The following ZFHX3 variants were observed in gnomAD, a reference collection of about 807,000 sequenced individuals.
ZFHX3 encodes the protein zinc finger homeobox 3.
In ZFHX3, 42 loss-of-function variants were observed where a neutral mutation model predicts 279.1. That is an observed-to-expected ratio of 0.15 (90% CI 0.12 to 0.19). The LOEUF (loss-of-function observed/expected upper bound fraction) is 0.19. Among genes scored for constraint, ZFHX3 ranks in the 10% least tolerant of loss-of-function variants. The pLI is 1.00. For synonymous variants in ZFHX3, 2,293 were observed against 1,957.8 expected (o/e 1.17, Z -4.52); for missense variants, 4,981 against 4,754.0 (o/e 1.05, Z -1.40).
At chr16:72,927,935 A>G (rs1027226063) in intron 3 of ZFHX3, among the ~76,000 whole-genome samples, 1 of 150,070 alleles carries the variant, frequency 6.7e-6, no homozygotes, top group Admixed American at 6.7e-5. Context: ...GGGGAGGACT[A>G]AGACTCAGTA....
At chr16:73,627,385 T>C (rs1454366379) in intron 2 of ZFHX3, among the ~76,000 whole-genome samples, 4 of 152,202 alleles carry the variant, frequency 2.6e-5, no homozygotes, top group Non-Finnish European at 4.4e-5. Context: ...ACTATTGATA[T>C]AGTGGAAGTG....
intron 4 of ZFHX3, among the ~76,000 whole-genome samples, chr16:72,874,359 A>C (rs923153959): frequency 4.6e-5 from 7 of 151,752 alleles, no homozygotes; most frequent in Admixed American, 6.6e-5. Flanking sequence ...GGCACCCGCC[A>C]CCACACCAGG....
intron 1 of ZFHX3, among the ~76,000 whole-genome samples, chr16:72,991,054 T>C (rs1963070613): frequency 6.8e-6 from 1 of 147,248 alleles, no homozygotes; most frequent in Admixed American, 6.9e-5. Context: ...CAGCATAGTA[T>C]GTACTGTATA....
intron 3 of ZFHX3, among the ~76,000 whole-genome samples, chr16:73,445,300 GTA>G (rs1414862766): frequency 9.4e-6 from 1 of 106,022 alleles, no homozygotes; most frequent in African/African-American, 3.2e-5. Context: ...ATATGTATAT[GTA>G]TGTGTGTGTG....
chr16:73,062,441 C>T (rs1195144827), upstream of ZFHX3: 1 of 152,058 alleles, frequency 6.6e-6, no homozygotes, highest in African/African-American at 2.4e-5. Flanking sequence ...GCTTGTGTTT[C>T]CAGATCTGTT....
rs539072880 is a variant in ZFHX3, at chr16:73,743,332, T to A, written c.-1607-63092A>T. On this transcript the variant is annotated intron_variant, in intron 1 of 17. Transcript: ENST00000641206. ...AGTTGATTTCATCAAATTCCCACTTTGGGATGTGTGTAAATATCTGACTGT... is the reference window on the plus strand; with the variant it reads ...AGTTGATTTCATCAAATTCCCACTTAGGGATGTGTGTAAATATCTGACTGT... Among the ~76,000 whole-genome samples the A allele has an allele frequency of 4.6e-5, 7 of 152,356 alleles. No homozygotes were observed. In the South Asian group the frequency reaches 1.4e-3, roughly 32 times the overall value.
intron 3 of ZFHX3, among the ~76,000 whole-genome samples, chr16:73,425,886 G>A (rs981561257): frequency 1.3e-5 from 2 of 152,014 alleles, no homozygotes; most frequent in African/African-American, 4.8e-5. Flanking sequence ...AACACAGTAA[G>A]TGTTCAATAA....
intron 2 of ZFHX3, among the ~76,000 whole-genome samples, chr16:73,471,685 T>A (rs561195479): frequency 3.9e-4 from 60 of 152,090 alleles, no homozygotes; most frequent in South Asian, 2.1e-4. Flanking sequence ...CCTTTAGGGG[T>A]CAGGATACCC....
At chr16:73,010,475 TA>T (rs1963875292) in intron 1 of ZFHX3, among the ~76,000 whole-genome samples, 1 of 152,210 alleles carries the variant, frequency 6.6e-6, no homozygotes, top group Non-Finnish European at 1.5e-5. Context: ...TGTCCAGCAG[TA>T]ATTAATAGTA....
rs571612000 is a variant in ZFHX3, at chr16:72,816,982, A to T, written c.3530-4944T>A. Among the ~76,000 whole-genome samples, 2 of 152,348 alleles carry T rather than the reference A, an allele frequency of 1.3e-5. 1 individual carries two copies. Among genetic ancestry groups the T allele is most frequent in the South Asian group, 4.1e-4 (2 of 4,828 alleles). On this transcript the variant is annotated intron_variant, in intron 5 of 9. Transcript: ENST00000268489. ...CCCTCTACTCATGTTAGTTAGAGGGAATAGGGAAGAGAGCTGATAAGCATT... is the reference window on the plus strand; with the variant it reads ...CCCTCTACTCATGTTAGTTAGAGGGTATAGGGAAGAGAGCTGATAAGCATT...
intron 2 of ZFHX3, among the ~76,000 whole-genome samples, chr16:73,582,827 G>T (rs1381329233): frequency 6.6e-6 from 1 of 151,534 alleles, no homozygotes; most frequent in Non-Finnish European, 1.5e-5. Flanking sequence ...TCTTGCATTG[G>T]AGTTATATAA....
chr16:73,732,993 G>A (rs2053581703), intron 1 of ZFHX3, among the ~76,000 whole-genome samples: 1 of 152,134 alleles, frequency 6.6e-6, no homozygotes, highest in South Asian at 2.1e-4. Flanking sequence ...TTTAGTGTAT[G>A]GTGAAGATCT....
rs138507635 is a variant in ZFHX3 at position 73,300,341 on chromosome 16, G to A, written c.-1194+17899C>T. On this transcript the variant is annotated intron_variant, in intron 4 of 17. Transcript: ENST00000641206. ...AAAGATTCCATGAGGCCATTATAAGGATGAGGTTTGATGTGTTTCAAATAG... is the reference window on the plus strand; with the variant it reads ...AAAGATTCCATGAGGCCATTATAAGAATGAGGTTTGATGTGTTTCAAATAG... 9.3e-4 allele frequency among the ~76,000 whole-genome samples: 141 copies of A among 151,818 alleles called. 6 individuals carry two copies. The East Asian group carries it at 0.021, about 22-fold the overall frequency.
chr16:73,354,637 A>G (rs1233952793), intron 3 of ZFHX3, among the ~76,000 whole-genome samples: 3 of 152,214 alleles, frequency 2.0e-5, no homozygotes, highest in Non-Finnish European at 4.4e-5. Flanking sequence ...TGCCCCAAAC[A>G]GGAGGCCAAG....
At chr16:73,817,767 A>C (rs1960615968) in intron 1 of ZFHX3, among the ~76,000 whole-genome samples, 3 of 152,176 alleles carry the variant, frequency 2.0e-5, no homozygotes. Context: ...GTACTGCATT[A>C]GTCTATAAAC....
intron 3 of ZFHX3, among the ~76,000 whole-genome samples, chr16:73,393,098 G>A (rs2017053760): frequency 6.6e-6 from 1 of 152,218 alleles, no homozygotes; most frequent in Non-Finnish European, 1.5e-5. Flanking sequence ...GCTTCCCAAA[G>A]TGCTGGGGTT....
intron 2 of ZFHX3, among the ~76,000 whole-genome samples, chr16:73,488,037 C>T (rs116011309): frequency 6.4e-4 from 98 of 152,326 alleles, no homozygotes; most frequent in African/African-American, 2.0e-3. Flanking sequence ...AAATGTTCTA[C>T]CTGCAGAGCA....
chr16:73,877,148 G>C (rs1567437546), intron 1 of ZFHX3, among the ~76,000 whole-genome samples: 1 of 143,730 alleles, frequency 7.0e-6, no homozygotes, highest in South Asian at 2.3e-4. Flanking sequence ...AAGCATGTAT[G>C]GTGCATCAAG....
At chr16:73,438,740 T>C (rs966287182) in intron 3 of ZFHX3, among the ~76,000 whole-genome samples, 1 of 152,234 alleles carries the variant, frequency 6.6e-6, no homozygotes, top group Non-Finnish European at 1.5e-5. Context: ...ACCTCCAAAC[T>C]CTTTCCTTAT....
Sources: gnomAD v4.1 joint callset for allele counts (sites outside exome capture counted in the v4.1 genomes callset) on GRCh38, gnomAD v4.1.1 for gene constraint, MANE v1.5 for transcripts, NCBI Gene and HGNC (gene_info 2026-07-23, HGNC 2026-07-21) for gene names.